MAP4K3: variants seen among roughly 807,000 people sequenced by gnomAD.
The protein encoded by MAP4K3 is MAPK/ERK kinase kinase kinase 3.
A neutral mutation model predicts 143.5 loss-of-function variants in MAP4K3; 94 were observed. The observed-to-expected ratio is 0.65, with a 90% CI of 0.55 to 0.78. The LOEUF is 0.78. MAP4K3 is among the 30% of genes least tolerant of loss of function. MAP4K3 has a pLI of 0.00. For missense variants in MAP4K3, 1,077 were observed against 1,068.1 expected (o/e 1.01, Z -0.12); for synonymous variants, 416 against 347.2 (o/e 1.20, Z -2.20).
At chr2:39,425,613 C>T (rs1665043570) in intron 1 of MAP4K3, among the ~76,000 whole-genome samples, 1 of 152,146 alleles carries the variant, frequency 6.6e-6, no homozygotes, top group Non-Finnish European at 1.5e-5. Context: ...GAGAGCATCA[C>T]TAGAAACCTG....
chr2:39,330,533 G>A (rs1190035043), intron 8 of MAP4K3, among the ~76,000 whole-genome samples: 1 of 152,096 alleles, frequency 6.6e-6, no homozygotes, highest in East Asian at 1.9e-4. Context: ...CTAAGCTGAA[G>A]ATGAAAGACT....
chr2:39,294,520 G>A (rs1312720375), intron 16 of MAP4K3, among the ~76,000 whole-genome samples: 4 of 152,176 alleles, frequency 2.6e-5, no homozygotes, highest in Non-Finnish European at 4.4e-5. Context: ...CTGTCTAGAG[G>A]CACTAGAGCA....
intron 13 of MAP4K3, 62 bp downstream of exon 13, chr2:39,315,246 CTG>C (rs1683073174): frequency 5.2e-6 from 6 of 1,151,080 alleles, no homozygotes; most frequent in Admixed American, 4.3e-5. Flanking sequence ...ACAAAAATAA[CTG>C]TAACTAAATT....
At chr2:39,359,687 G>C (rs1201360961) in intron 2 of MAP4K3, among the ~76,000 whole-genome samples, 1 of 152,270 alleles carries the variant, frequency 6.6e-6, no homozygotes, top group Non-Finnish European at 1.5e-5. Flanking sequence ...CTAGCCAGAG[G>C]TTCTCAAACC....
chr2:39,268,155 C>A (rs561763890), intron 26 of MAP4K3, among the ~76,000 whole-genome samples: 79 of 152,112 alleles, frequency 5.2e-4, no homozygotes, highest in African/African-American at 1.7e-3. Context: ...ACATCTGACT[C>A]GAATTTAATA....
chr2:39,288,163 G>T lies in MAP4K3; in HGVS notation c.1432C>A (p.Pro478Thr). The change falls in exon 20 of 34, where the codon CCA becomes ACA. Residue 478 changes from proline (P) to threonine (T), a missense_variant. By Grantham distance (38) the Pro-to-Thr change is conservative (BLOSUM62 -1). Coordinates refer to ENST00000263881, the MANE Select transcript of MAP4K3 (RefSeq NM_003618.4). Reference sequence around the variant, plus strand: ...TGTGGGGGTAATCTGGGAGGTGGTGGTCTAGGTGGAACTTGGGATGGCTTT... The same window carrying T: ...TGTGGGGGTAATCTGGGAGGTGGTGTTCTAGGTGGAACTTGGGATGGCTTT... Reference protein sequence around the residue: ...PAKPSQVPPRPPPPRLPPHKP... With the variant: ...PAKPSQVPPRTPPPRLPPHKP... The T allele has an allele frequency of 6.2e-7, 1 of 1,614,146 alleles. No homozygotes were observed. Among genetic ancestry groups the T allele is most frequent in the East Asian group, 2.2e-5 (1 of 44,866 alleles).
intron 2 of MAP4K3, among the ~76,000 whole-genome samples, chr2:39,359,329 C>T (rs1165473428): frequency 1.3e-5 from 2 of 152,200 alleles, no homozygotes; most frequent in Non-Finnish European, 2.9e-5. Context: ...GTCTCACATC[C>T]AGGTCATGCT....
At position 39,266,983 on chromosome 2, in the gene MAP4K3, T is replaced by G. The variant is rs80186776; in HGVS notation, c.2032+206A>C. On this transcript the variant is annotated intron_variant, in intron 27 of 33. Coordinates refer to ENST00000263881, the MANE Select transcript of MAP4K3 (RefSeq NM_003618.4). ...TTTGTTTAGCAAATAATTTATTTGC[T>G]AATAAACATTTATTTGCAAATAAAT... is the stretch of plus-strand genomic sequence containing the variant. 2.8e-4 allele frequency among the ~76,000 whole-genome samples: 42 copies of G among 152,328 alleles called. 1 individual carries two copies. In the East Asian group the frequency reaches 6.9e-3, roughly 25 times the overall value.
chr2:39,368,488 G>A (rs953505928), intron 2 of MAP4K3, among the ~76,000 whole-genome samples: 2 of 151,870 alleles, frequency 1.3e-5, no homozygotes, highest in African/African-American at 2.4e-5. Context: ...GCAACACAAC[G>A]AGACCCAGTC....
At chr2:39,343,354 C>A (rs1182364680) in intron 4 of MAP4K3, 34 bp downstream of exon 4, 15 of 1,465,406 alleles carry the variant, frequency 1.0e-5, no homozygotes, top group Non-Finnish European at 1.2e-5. Flanking sequence ...AGAAATTCAA[C>A]CTAACCCCTA....
chr2:39,375,717 A>G (rs1373161470), intron 2 of MAP4K3, among the ~76,000 whole-genome samples: 1 of 152,206 alleles, frequency 6.6e-6, no homozygotes, highest in East Asian at 1.9e-4. Context: ...CCATCACTAG[A>G]TTATTCCCAT....
At chr2:39,425,977 G>A (rs529242606) in intron 1 of MAP4K3, among the ~76,000 whole-genome samples, 3 of 152,266 alleles carry the variant, frequency 2.0e-5, no homozygotes, top group African/African-American at 4.8e-5. Context: ...GTACAGGTTT[G>A]ATGAGGAACA....
intron 2 of MAP4K3, among the ~76,000 whole-genome samples, chr2:39,377,859 C>T (rs1188998708): frequency 1.3e-5 from 2 of 152,136 alleles, no homozygotes; most frequent in African/African-American, 4.8e-5. Flanking sequence ...CTTCCTCCCC[C>T]AATTATCAGT....
intron 8 of MAP4K3, among the ~76,000 whole-genome samples, chr2:39,328,703 C>A (rs1482532336): frequency 6.6e-6 from 1 of 152,010 alleles, no homozygotes; most frequent in African/African-American, 2.4e-5. Flanking sequence ...AACTGTACAC[C>A]TAATAAGGGT....
chr2:39,363,335 G>A (rs574433663), intron 2 of MAP4K3, among the ~76,000 whole-genome samples: 1 of 152,122 alleles, frequency 6.6e-6, no homozygotes, highest in South Asian at 2.1e-4. Context: ...CTCCTACAAT[G>A]CAACAGCAAA....
chr2:39,393,397 T>C, intron 1 of MAP4K3, among the ~76,000 whole-genome samples: 1 of 152,218 alleles, frequency 6.6e-6, no homozygotes, highest in East Asian at 1.9e-4. Context: ...TACAAGAGAA[T>C]ATACTTTTCA....
intron 1 of MAP4K3, among the ~76,000 whole-genome samples, chr2:39,396,474 C>T (rs1045543991): frequency 6.6e-6 from 1 of 151,628 alleles, no homozygotes; most frequent in Admixed American, 6.6e-5. Flanking sequence ...ACTTCAAGCC[C>T]CCAATTTTTT....
chr2:39,415,375 C>G (rs894187151), intron 1 of MAP4K3, among the ~76,000 whole-genome samples: 9 of 151,674 alleles, frequency 5.9e-5, no homozygotes, highest in Admixed American at 5.9e-4. Context: ...CTTATTGGTG[C>G]ACAAGTAAGT....
intron 12 of MAP4K3, among the ~76,000 whole-genome samples, chr2:39,321,323 T>G (rs1374953379): frequency 2.0e-5 from 3 of 152,188 alleles, no homozygotes; most frequent in Non-Finnish European, 4.4e-5. Context: ...ACATGTGCTG[T>G]GTCAAACTCA....
Sources: allele counts gnomAD v4.1 joint callset (sites outside exome capture counted in the v4.1 genomes callset), GRCh38; gene constraint gnomAD v4.1.1; transcripts MANE v1.5; gene names NCBI Gene and HGNC (gene_info 2026-07-23, HGNC 2026-07-21).